Variants in ZFHX3 observed in about 807,000 individuals in gnomAD.
ZFHX3 encodes zinc finger homeobox protein 3.
A neutral mutation model predicts 279.1 loss-of-function variants in ZFHX3; 42 were observed. The observed-to-expected ratio is 0.15, with a 90% CI of 0.12 to 0.19. The LOEUF (loss-of-function observed/expected upper bound fraction) is 0.19, where lower values mean the gene tolerates loss of function less well. ZFHX3 is among the 10% of genes least tolerant of loss of function. The probability of loss-of-function intolerance (pLI) is 1.00; values close to 1 mark genes in which losing one functional copy is unlikely to be tolerated. For synonymous variants in ZFHX3, 2,293 were observed against 1,957.8 expected, an observed-to-expected ratio of 1.17 and a Z score of -4.52; for missense variants, 4,981 against 4,754.0, an observed-to-expected ratio of 1.05 and a Z score of -1.40.
intron 3 of ZFHX3, among the ~76,000 whole-genome samples, chr16:73,336,892 C>T (rs995224151): frequency 1.2e-4 from 18 of 152,082 alleles, no homozygotes; most frequent in African/African-American, 2.4e-5. Flanking sequence ...TCCCGTCCCT[C>T]GCTTCCCCAA....
In ZFHX3 at chr16:72,829,866, CAG is replaced by C. The variant is rs2037023169; in HGVS notation, c.3449-9_3449-8del. On this transcript the variant is annotated splice_region_variant and splice_polypyrimidine_tract_variant and intron_variant, in intron 4 of 9. Coordinates refer to ENST00000268489, the MANE Select transcript of ZFHX3 (RefSeq NM_006885.4). ...ACATCTTCAATGGCTTCTTCTGAAA[CAG>C]AAGAAAAACATGTCAAGGGTTAAAA... The C allele has an allele frequency of 1.2e-6, 2 of 1,614,104 alleles. No individual in the cohort carries two copies. The highest frequency in any genetic ancestry group is 1.3e-5 in the African/African-American group (1 of 75,028).
rs140219846 is a variant in ZFHX3 at position 73,120,649 on chromosome 16, C to CTTTTTTT, written c.-897+10318_-897+10319insAAAAAAA. 2.1e-4 allele frequency among the ~76,000 whole-genome samples: 22 copies of CTTTTTTT among 106,200 alleles called. 5 individuals carry two copies. Among genetic ancestry groups the CTTTTTTT allele is most frequent in the Non-Finnish European group, 2.0e-4 (10 of 50,576 alleles). The allele number at this position is 106,200 out of a possible 152,430, so 69.7% of individuals were successfully genotyped here. ...TTGTTTTTCTGCCCTATCCTCTCTACCTTTTTTTTTTTTTTTTTTTTTTGA... is the reference window on the plus strand; with the variant it reads ...TTGTTTTTCTGCCCTATCCTCTCTACTTTTTTTCTTTTTTTTTTTTTTTTTTTTTTGA... On this transcript the variant is annotated intron_variant, in intron 7 of 17. Transcript: ENST00000641206.
At chr16:73,580,655 T>C (rs963162117) in intron 2 of ZFHX3, among the ~76,000 whole-genome samples, 3 of 151,866 alleles carry the variant, frequency 2.0e-5, no homozygotes, top group Admixed American at 2.0e-4. Flanking sequence ...TTAATTCTAA[T>C]GGTATTCAAT....
intron 5 of ZFHX3, among the ~76,000 whole-genome samples, chr16:73,151,723 T>C (rs552507170): frequency 6.6e-6 from 1 of 152,230 alleles, no homozygotes; most frequent in East Asian, 1.9e-4. Context: ...TCTGAATTCC[T>C]CTAAATTCCC....
chr16:72,937,417 C>T (rs1474902435), intron 3 of ZFHX3, among the ~76,000 whole-genome samples: 1 of 152,202 alleles, frequency 6.6e-6, no homozygotes, highest in African/African-American at 2.4e-5. Flanking sequence ...CGAATTAGGA[C>T]ACAGCCGACA....
chr16:73,297,068 AG>A (rs2014934528), intron 4 of ZFHX3, among the ~76,000 whole-genome samples: 1 of 151,516 alleles, frequency 6.6e-6, no homozygotes, highest in South Asian at 2.1e-4. Context: ...TAGTAGAGAC[AG>A]GGTTTCACCG....
intron 4 of ZFHX3, among the ~76,000 whole-genome samples, chr16:72,882,056 A>G (rs944490600): frequency 6.6e-5 from 10 of 152,016 alleles, no homozygotes; most frequent in African/African-American, 2.4e-4. Context: ...GGTCTCTGGC[A>G]TACTCACACC....
chr16:73,440,560 T>C (rs928575505), intron 3 of ZFHX3, among the ~76,000 whole-genome samples: 74 of 152,208 alleles, frequency 4.9e-4, no homozygotes, highest in African/African-American at 1.7e-3. Context: ...TTCTGACAGA[T>C]TGAGAGTTGG....
chr16:72,846,535 C>A (rs968335119), intron 4 of ZFHX3, among the ~76,000 whole-genome samples: 1 of 152,260 alleles, frequency 6.6e-6, no homozygotes, highest in African/African-American at 2.4e-5. Context: ...CCTCCAGCAC[C>A]TCTTCCTCTG....
chr16:72,787,370 A>G lies in ZFHX3; in HGVS notation c.10906T>C (p.Ser3636Pro). 16 of 1,608,424 alleles carry G rather than the reference A, an allele frequency of 9.9e-6. No individual in the cohort carries two copies. The highest frequency in any genetic ancestry group is 1.4e-5 in the Non-Finnish European group (16 of 1,176,520). The change falls in exon 10 of 10, where the codon TCC becomes CCC. Residue 3636 changes from serine (S) to proline (P), a missense_variant. This residue lies in a region of ZFHX3 where 1,034 missense variants were observed against 786.0 expected (regional missense o/e 1.32). Transcript: ENST00000268489. ...AAKPPSFPPL[S>P]SSSTVTSSSC... Reference sequence around the variant, plus strand: ...CTTGAGGTAACCGTTGAAGATGAGGAGAGAGGAGGAAAAGAAGGGGGCTTC... The same window carrying G: ...CTTGAGGTAACCGTTGAAGATGAGGGGAGAGGAGGAAAAGAAGGGGGCTTC...
chr16:73,505,758 C>T (rs1295390830), intron 2 of ZFHX3, among the ~76,000 whole-genome samples: 1 of 152,236 alleles, frequency 6.6e-6, no homozygotes, highest in African/African-American at 2.4e-5. Context: ...CACTGTAAGA[C>T]TGTCCTGCCT....
rs536965470 is a variant in ZFHX3, at chr16:73,123,832, G to A, written c.-897+7136C>T. On this transcript the variant is annotated intron_variant, in intron 7 of 17. Transcript: ENST00000641206. ...GCCCTTATAGAAGAGGCCTGGGGGA[G>A]CTTGTTTGCCCCTTCTGCAATATGA... Among the ~76,000 whole-genome samples, 17 of 152,232 alleles carry A rather than the reference G, an allele frequency of 1.1e-4. No individual in the cohort carries two copies. The East Asian group carries it at 2.7e-3, about 24-fold the overall frequency.
chr16:73,408,860 C>T (rs1014879709), intron 3 of ZFHX3, among the ~76,000 whole-genome samples: 8 of 151,958 alleles, frequency 5.3e-5, no homozygotes, highest in Non-Finnish European at 8.8e-5. Context: ...CAAATTCCAG[C>T]GAGGCAACCG....
chr16:73,059,551 TCTC>T (rs1965654362), exon 1 of ZFHX3: 1 of 149,390 alleles, frequency 6.7e-6, no homozygotes, highest in African/African-American at 2.5e-5. Context: ...TCTCTCTCTC[TCTC>T]TCTCTCTCTA....
At chr16:73,232,897 TGCTCTCCAGC>T (rs2012821081) in intron 5 of ZFHX3, 1 of 152,032 alleles carries the variant, frequency 6.6e-6, no homozygotes, top group Admixed American at 6.6e-5. Context: ...GTTCCAATCG[TGCTCTCCAGC>T]TAATGAGAAG....
chr16:73,371,645 G>A (rs1276392588), intron 3 of ZFHX3, among the ~76,000 whole-genome samples: 1 of 152,150 alleles, frequency 6.6e-6, no homozygotes, highest in East Asian at 2.0e-4. Flanking sequence ...GCTGTAGCAA[G>A]CACTAGTGAG....
intron 6 of ZFHX3, among the ~76,000 whole-genome samples, chr16:73,142,670 G>A (rs1966850663): frequency 6.6e-6 from 1 of 152,224 alleles, no homozygotes; most frequent in Non-Finnish European, 1.5e-5. Context: ...GCAGGCGCTG[G>A]TGTGAATTGG....
chr16:72,932,804 G>C (rs896724178), intron 3 of ZFHX3, among the ~76,000 whole-genome samples: 2 of 152,208 alleles, frequency 1.3e-5, no homozygotes, highest in Non-Finnish European at 2.9e-5. Context: ...GAAAAGCAGA[G>C]TCCTTAACAC....
chr16:73,542,150 T>A (rs1461555950), intron 2 of ZFHX3, among the ~76,000 whole-genome samples: 3 of 152,044 alleles, frequency 2.0e-5, no homozygotes, highest in Admixed American at 6.6e-5. Flanking sequence ...GCTCCCTTAG[T>A]GATGTCAAAT....
Sources: allele counts gnomAD v4.1 joint callset (sites outside exome capture counted in the v4.1 genomes callset), GRCh38; gene constraint gnomAD v4.1.1; regional missense constraint gnomAD v4.1.1; transcripts MANE v1.5; gene names NCBI Gene and HGNC (gene_info 2026-07-23, HGNC 2026-07-21).